The following SHANK2 variants were observed in gnomAD, a reference collection of about 807,000 sequenced individuals.
The protein encoded by SHANK2 is SH3 and multiple ankyrin repeat domains protein 2.
In SHANK2, 43 loss-of-function variants were observed where a neutral mutation model predicts 133.7. That is an observed-to-expected ratio of 0.32 (90% confidence interval 0.25 to 0.41). The LOEUF (loss-of-function observed/expected upper bound fraction) is 0.41, where lower values mean the gene tolerates loss of function less well. Among genes scored for constraint, SHANK2 ranks in the 10% least tolerant of loss-of-function variants. The pLI is 1.00. For synonymous variants in SHANK2, 1,017 were observed against 952.8 expected (o/e 1.07, Z -1.24); for missense variants, 1,994 against 2,235.8 (o/e 0.89, Z 2.18).
chr11:70,661,198 G>A (rs1555013150), intron 16 of SHANK2, among the ~76,000 whole-genome samples: 1 of 152,178 alleles, frequency 6.6e-6, no homozygotes, highest in East Asian at 1.9e-4. Context: ...TCAGGCCAGG[G>A]CAATCCTGGG....
At chr11:71,070,790 C>T (rs1044360719) in intron 9 of SHANK2, among the ~76,000 whole-genome samples, 3 of 152,368 alleles carry the variant, frequency 2.0e-5, no homozygotes, top group African/African-American at 7.2e-5. Context: ...CCATGCGACA[C>T]GCAAAGCCTA....
At position 71,163,103 on chromosome 11, in the gene SHANK2, T is replaced by C. The variant is rs578066482; in HGVS notation, c.-12-15765A>G. Among the ~76,000 whole-genome samples, 3 of 135,920 alleles carry C rather than the reference T, an allele frequency of 2.2e-5. No individual in the cohort carries two copies. The East Asian group carries it at 6.0e-4, about 27-fold the overall frequency. The allele number at this position is 135,920 out of a possible 152,430, so 89.2% of individuals were successfully genotyped here. A position where few individuals can be genotyped will look rare whatever the true frequency, so the allele number is the denominator to read the frequency against. On this transcript the variant is annotated intron_variant, in intron 2 of 25. Transcript: ENST00000601538. ...AAAAAAAAAAAAAAAAATACATATA[T>C]ATATATATACAGAATAGAAACAAAT...
intron 1 of SHANK2, among the ~76,000 whole-genome samples, chr11:71,239,545 G>A (rs527619490): frequency 2.6e-5 from 4 of 152,092 alleles, no homozygotes; most frequent in Admixed American, 2.0e-4. Context: ...CAGCAGCCTC[G>A]ACCTTTCCAG....
chr11:71,230,518 G>A (rs1175066642), intron 1 of SHANK2, among the ~76,000 whole-genome samples: 4 of 150,962 alleles, frequency 2.6e-5, no homozygotes, highest in Non-Finnish European at 4.4e-5. Flanking sequence ...GCAGTGAGCC[G>A]AGATCGTGCT....
intron 11 of SHANK2, chr11:70,895,687 C>T (rs1949923332): frequency 6.6e-6 from 1 of 152,470 alleles, no homozygotes; most frequent in Non-Finnish European, 1.5e-5. Flanking sequence ...CAGCTCTTTG[C>T]CTAAATAGAA....
rs1200205475 is a variant in SHANK2 at position 71,175,423 on chromosome 11, C to A, written c.-12-28085G>T. Among the ~76,000 whole-genome samples, 1 of 151,204 alleles carries A rather than the reference C, an allele frequency of 6.6e-6. No individual in the cohort carries two copies. The highest frequency in any genetic ancestry group is 2.4e-5 in the African/African-American group (1 of 41,020). ...CAGGAAAGTGAGTCTGTAAAGAGAG[C>A]AGGAGGAAGGAAAGAAAAAGAGGGA... is the stretch of plus-strand genomic sequence containing the variant. On this transcript the variant is annotated intron_variant, in intron 2 of 25. Coordinates refer to ENST00000601538, the MANE Select transcript of SHANK2 (RefSeq NM_012309.5). This position sits in a 1 kb window ranked among gnomAD's most constrained non-coding sequence, Gnocchi z 4.2.
chr11:70,720,923 A>T (rs1705775652), intron 14 of SHANK2, among the ~76,000 whole-genome samples: 1 of 152,236 alleles, frequency 6.6e-6, no homozygotes, highest in African/African-American at 2.4e-5. Flanking sequence ...AACAGAGGAG[A>T]GACTGGGAAT....
intron 3 of SHANK2, among the ~76,000 whole-genome samples, chr11:71,122,317 T>TA (rs1208401721): frequency 6.6e-6 from 1 of 152,104 alleles, no homozygotes; most frequent in African/African-American, 2.4e-5. Flanking sequence ...TATGCAGCCA[T>TA]AAAAAAGAAT....
chr11:70,609,844 A>T (rs529305923), intron 17 of SHANK2, among the ~76,000 whole-genome samples: 1,014 of 24,000 alleles, frequency 0.042, 15 homozygotes, highest in African/African-American at 0.06. Flanking sequence ...AATATGGAAT[A>T]TGTATATTAT....
At chr11:70,701,142 T>C (rs1945509194) in intron 14 of SHANK2, among the ~76,000 whole-genome samples, 1 of 151,962 alleles carries the variant, frequency 6.6e-6, no homozygotes, top group South Asian at 2.1e-4. Context: ...GAGTGTGTAG[T>C]GGAATGTGTG....
At chr11:70,660,863 C>T (rs536303454) in intron 16 of SHANK2, among the ~76,000 whole-genome samples, 38 of 152,368 alleles carry the variant, frequency 2.5e-4, no homozygotes, top group Admixed American at 2.4e-3. Context: ...AGCGCGTAAG[C>T]TCCAAGATGA....
intron 14 of SHANK2, among the ~76,000 whole-genome samples, chr11:70,757,478 G>A (rs1207415458): frequency 6.6e-6 from 1 of 152,248 alleles, no homozygotes; most frequent in Non-Finnish European, 1.5e-5. Flanking sequence ...CAGCTCCCAT[G>A]GCGTGTTGAG....
chr11:70,693,849 G>T (rs1216149193), intron 15 of SHANK2, among the ~76,000 whole-genome samples: 1 of 152,170 alleles, frequency 6.6e-6, no homozygotes, highest in Non-Finnish European at 1.5e-5. Flanking sequence ...TGGATGGAAG[G>T]ATTCATACAT....
At chr11:70,795,245 C>T (rs751896410) in intron 14 of SHANK2, among the ~76,000 whole-genome samples, 280 of 152,148 alleles carry the variant, frequency 1.8e-3, no homozygotes, top group Non-Finnish European at 3.4e-3. Context: ...ATGCCCAGGT[C>T]CTAATCCCTA....
At chr11:70,861,507 TCCATCAAAATTC>T (rs1949257225) in intron 11 of SHANK2, among the ~76,000 whole-genome samples, 1 of 152,204 alleles carries the variant, frequency 6.6e-6, no homozygotes, top group South Asian at 2.1e-4. Flanking sequence ...AAACATGATT[TCCATCAAAATTC>T]CCATCAAAAG....
intron 15 of SHANK2, among the ~76,000 whole-genome samples, chr11:70,671,498 C>T (rs1944808054): frequency 6.6e-6 from 1 of 152,232 alleles, no homozygotes; most frequent in African/African-American, 2.4e-5. Context: ...ATTCAGCACT[C>T]AGCAGGGGCT....
chr11:70,845,533 C>T (rs1172910676), intron 11 of SHANK2, among the ~76,000 whole-genome samples: 8 of 151,966 alleles, frequency 5.3e-5, no homozygotes, highest in African/African-American at 1.9e-4. Flanking sequence ...TCTTAGGTGC[C>T]GAGGATAGAG....
At chr11:70,555,042 C>G (rs2059812969) in intron 17 of SHANK2, among the ~76,000 whole-genome samples, 1 of 151,904 alleles carries the variant, frequency 6.6e-6, no homozygotes, top group South Asian at 2.1e-4. Flanking sequence ...TCCAAACTTT[C>G]TGTCTGTTAT....
chr11:70,854,624 T>G (rs1320151293), intron 11 of SHANK2, among the ~76,000 whole-genome samples: 1 of 152,194 alleles, frequency 6.6e-6, no homozygotes, highest in Non-Finnish European at 1.5e-5. Flanking sequence ...GGGAAGGAGA[T>G]GCAGAAGTGG....
Sources: gnomAD v4.1 joint callset for allele counts (sites outside exome capture counted in the v4.1 genomes callset) on GRCh38, gnomAD v4.1.1 for gene constraint, Gnocchi (gnomAD v3.1) non-coding constraint, MANE v1.5 for transcripts, NCBI Gene and HGNC (gene_info 2026-07-23, HGNC 2026-07-21) for gene names.